Variants in CEACAM7 observed in about 807,000 individuals in gnomAD.
CEACAM7 encodes cell adhesion molecule CEACAM7.
Under a neutral mutation model 25.7 loss-of-function variants are expected in CEACAM7, and 24 were observed. The observed-to-expected ratio is 0.93, with a 90% CI of 0.68 to 1.31. CEACAM7 has a LOEUF of 1.31. Among genes scored for constraint, CEACAM7 ranks in the 40% most tolerant of loss-of-function variants. The probability of loss-of-function intolerance (pLI) is 0.00; values close to 1 mark genes in which losing one functional copy is unlikely to be tolerated. For synonymous variants in CEACAM7, 144 were observed against 129.4 expected, an observed-to-expected ratio of 1.11 and a Z score of -0.77; for missense variants, 324 against 330.1, an observed-to-expected ratio of 0.98 and a Z score of 0.14.
chr19:41,688,040 G>A (rs1555811415), intron 1 of CEACAM7, 62 bp downstream of exon 1: 5 of 1,494,682 alleles, frequency 3.3e-6, no homozygotes, highest in Non-Finnish European at 4.6e-6. Context: ...GTCCTCCCAA[G>A]GAGACCCCAG....
intron 3 of CEACAM7, among the ~76,000 whole-genome samples, chr19:41,681,810 C>T (rs1173708321): frequency 6.6e-6 from 1 of 152,120 alleles, no homozygotes; most frequent in Non-Finnish European, 1.5e-5. Flanking sequence ...AGAATGATGG[C>T]TACCAGGGAC....
intron 2 of CEACAM7, 88 bp downstream of exon 2, chr19:41,686,771 G>T: frequency 7.2e-7 from 1 of 1,390,414 alleles, no homozygotes; most frequent in Non-Finnish European, 9.7e-7. Context: ...TGTAGATGGG[G>T]ACACAGGCAC....
In CEACAM7 at chr19:41,674,207, G is replaced by C. The variant is rs2072091872; in HGVS notation, c.*569C>G. ...CAGGGCGTGAGAACAGGTGAGTCTA[G>C]AGGTCTAACTCTAACAGGGACCACC... On this transcript the variant is annotated 3_prime_UTR_variant, in exon 5 of 5. Transcript: ENST00000401731. 6.6e-6 allele frequency: 1 copy of C among 152,272 alleles called. No individual in the cohort carries two copies. The highest frequency in any genetic ancestry group is 6.5e-5 in the Admixed American group (1 of 15,282). The allele number at this position is 152,272 out of a possible 1,614,324, so 9.4% of individuals were successfully genotyped here. A position where few individuals can be genotyped will look rare whatever the true frequency, so the allele number is the denominator to read the frequency against.
rs1555809902 is a variant in CEACAM7, at chr19:41,674,414, T to C, written c.*362A>G. On this transcript the variant is annotated 3_prime_UTR_variant, in exon 5 of 5. Coordinates refer to ENST00000401731, the MANE Select transcript of CEACAM7 (RefSeq NM_001291485.2). The stretch of plus-strand genomic sequence containing the variant: ...CTAGTTACAGCATTATCTTACCAAA[T>C]TAAAGAGGCAGGCATGAGCAGGGAA... 1 of 154,766 alleles carries C rather than the reference T, an allele frequency of 6.5e-6. No individual in the cohort carries two copies. Among genetic ancestry groups the C allele is most frequent in the Non-Finnish European group, 1.4e-5 (1 of 69,736 alleles). 9.6% of individuals were successfully genotyped at this position (154,766 alleles called of 1,614,324 possible). A position where few individuals can be genotyped will look rare whatever the true frequency, so the allele number is the denominator to read the frequency against.
At chr19:41,677,632 G>C in intron 3 of CEACAM7, 129 bp from the exon 4 acceptor site, 1 of 602,308 alleles carries the variant, frequency 1.7e-6, no homozygotes, top group Non-Finnish European at 2.9e-6. Context: ...TTGTGGGAAG[G>C]TTGCTGGGAG....
At chr19:41,682,326 A>G (rs1600432916) in intron 3 of CEACAM7, among the ~76,000 whole-genome samples, 1 of 151,116 alleles carries the variant, frequency 6.6e-6, no homozygotes, top group African/African-American at 2.5e-5. Flanking sequence ...TGGTACTCTT[A>G]TCCTCGCTAT....
At position 41,683,837 on chromosome 19, in the gene CEACAM7, T is replaced by C; in HGVS notation, c.654A>G (p.Ile218Met). 1 of 1,614,118 alleles carries C rather than the reference T, an allele frequency of 6.2e-7. No individual in the cohort carries two copies. Residue 218 changes from isoleucine (I) to methionine (M), a missense_variant, in exon 3 of 5, where the codon ATA (isoleucine) becomes ATG (methionine). Physicochemically the swap from Ile to Met is conservative, Grantham distance 10. Transcript: ENST00000401731. Reference sequence around the variant, plus strand: ...TGCGGCTGGCACCCACTGGGTTCTGTATTTCACATTCATAGGGTCCTATGT... The same window carrying C: ...TGCGGCTGGCACCCACTGGGTTCTGCATTTCACATTCATAGGGTCCTATGT... ...KNDIGPYECE[I>M]QNPVGASRSD... is the part of the protein sequence containing the mutation.
chr19:41,679,109 C>A (rs562839731), intron 3 of CEACAM7, among the ~76,000 whole-genome samples: 26 of 152,008 alleles, frequency 1.7e-4, no homozygotes, highest in African/African-American at 6.0e-4. Flanking sequence ...AAATTCAAAA[C>A]CTTTAATTAG....
At chr19:41,679,129 G>GA (rs1204528914) in intron 3 of CEACAM7, among the ~76,000 whole-genome samples, 16 of 151,608 alleles carry the variant, frequency 1.1e-4, no homozygotes, top group African/African-American at 3.9e-4. Flanking sequence ...GATCGACTAA[G>GA]AAAAAAAATG....
rs1568689992 is a variant in CEACAM7 at position 41,687,108 on chromosome 19, G to A, written c.178C>T (p.Gln60Ter). ...EVLLVVHNES[Q>*]NLYGYNWYKG... ...TACCAGTTGTAGCCATAAAGATTCTGGGACTCATTATGGACTACTAGAAGG... is the reference window on the plus strand; with the variant it reads ...TACCAGTTGTAGCCATAAAGATTCTAGGACTCATTATGGACTACTAGAAGG... Residue 60 changes from glutamine to a stop codon, truncating the protein, a stop_gained, in exon 2 of 5, where the codon CAG (glutamine) becomes TAG (stop). Transcript: ENST00000401731. LOFTEE classifies it high-confidence loss of function. 1 of 1,614,076 alleles carries A rather than the reference G, an allele frequency of 6.2e-7. No individual in the cohort carries two copies. The highest frequency in any genetic ancestry group is 8.5e-7 in the Non-Finnish European group (1 of 1,180,002).
chr19:41,677,401 C>T lies in CEACAM7; in HGVS notation c.*11G>A, dbSNP rs372006729. On this transcript the variant is annotated 3_prime_UTR_variant, in exon 4 of 5. Coordinates refer to ENST00000401731, the MANE Select transcript of CEACAM7 (RefSeq NM_001291485.2). ...CACTCTTCCCGAAATGCAGAAACTA[C>T]ACCAAGGCTGCTATATCAGAGCCAT... 1.9e-6 allele frequency: 3 copies of T among 1,603,038 alleles called. No homozygotes were observed. The highest frequency in any genetic ancestry group is 1.3e-5 in the African/African-American group (1 of 74,650).
intron 3 of CEACAM7, among the ~76,000 whole-genome samples, chr19:41,682,575 G>T (rs1297590895): frequency 6.6e-6 from 1 of 152,152 alleles, no homozygotes; most frequent in Admixed American, 6.5e-5. Context: ...GCTCAATTTA[G>T]CCAGATTCAG....
intron 1 of CEACAM7, among the ~76,000 whole-genome samples, chr19:41,687,452 C>G (rs2072240548): frequency 6.6e-6 from 1 of 152,194 alleles, no homozygotes; most frequent in Non-Finnish European, 1.5e-5. Context: ...AGGGCTCCCT[C>G]CATACTGCTG....
At position 41,688,121 on chromosome 19, in the gene CEACAM7, C is replaced by A. The variant is rs782695391; in HGVS notation, c.45G>T (p.Trp15Cys). ...CCTCACCTGTGAGCAGGAGCCCCTG[C>A]CAGGGAATGCACACTCTGTATGGAC... Reference protein sequence around the residue: ...SACPYRVCIPWQGLLLTASLL... With the variant: ...SACPYRVCIPCQGLLLTASLL... Residue 15 changes from tryptophan to cysteine, a missense_variant, in exon 1 of 5, where the codon TGG becomes TGT. Coordinates refer to ENST00000401731, the MANE Select transcript of CEACAM7 (RefSeq NM_001291485.2). 1 of 1,611,496 alleles carries A rather than the reference C, an allele frequency of 6.2e-7. No individual in the cohort carries two copies. Among genetic ancestry groups the A allele is most frequent in the South Asian group, 1.1e-5 (1 of 90,858 alleles).
chr19:41,688,219 C>G lies in CEACAM7; in HGVS notation c.-54G>C, dbSNP rs1299896222. 1.3e-6 allele frequency: 2 copies of G among 1,591,014 alleles called. No homozygotes were observed. Among genetic ancestry groups the G allele is most frequent in the African/African-American group, 2.7e-5 (2 of 74,212 alleles). On this transcript the variant is annotated 5_prime_UTR_variant, in exon 1 of 5. Coordinates refer to ENST00000401731, the MANE Select transcript of CEACAM7 (RefSeq NM_001291485.2). ...GAGAAGAGCTTGGGCTCCAGGAACT[C>G]TCTTGTCAGGGCTGCTGTGACTGTC... is the stretch of plus-strand genomic sequence containing the variant.
chr19:41,683,164 C>T (rs1031582875), intron 3 of CEACAM7, among the ~76,000 whole-genome samples: 4 of 152,224 alleles, frequency 2.6e-5, no homozygotes, highest in Non-Finnish European at 5.9e-5. Context: ...ATCATCTTGA[C>T]TGTGGTACTA....
chr19:41,678,483 C>G (rs1487999680), intron 3 of CEACAM7, among the ~76,000 whole-genome samples: 1 of 152,178 alleles, frequency 6.6e-6, no homozygotes, highest in African/African-American at 2.4e-5. Flanking sequence ...CATCAGTCAA[C>G]TCAGACTGAT....
intron 3 of CEACAM7, among the ~76,000 whole-genome samples, chr19:41,679,787 T>TTC (rs141768655): frequency 0.011 from 1,265 of 115,444 alleles, 55 homozygotes; most frequent in South Asian, 0.022. Flanking sequence ...CTCTGTCTCT[T>TTC]TCTCTCTCTC....
intron 3 of CEACAM7, among the ~76,000 whole-genome samples, chr19:41,678,310 C>CATGTATATGTATATGTAT (rs55633841): frequency 0.011 from 1,576 of 144,748 alleles, 15 homozygotes; most frequent in African/African-American, 0.025. Context: ...CTGTTTCTCC[C>CATGTATATGTATATGTAT]ATGTATATGT....
Sources: gnomAD v4.1 joint callset for allele counts (sites outside exome capture counted in the v4.1 genomes callset) on GRCh38, gnomAD v4.1.1 for gene constraint, MANE v1.5 for transcripts, NCBI Gene and HGNC (gene_info 2026-07-23, HGNC 2026-07-21) for gene names.